The following PARD3 variants were observed in gnomAD, a reference collection of about 807,000 sequenced individuals.
PARD3 encodes the protein par-3 family cell polarity regulator, also known as partitioning defective 3 homolog.
Under a neutral mutation model 155.4 loss-of-function variants are expected in PARD3, and 75 were observed. The observed-to-expected ratio is 0.48, with a 90% confidence interval of 0.40 to 0.58. PARD3 has a LOEUF of 0.58. Ranked by LOEUF, PARD3 falls within the 20% of genes least tolerant of loss-of-function variation. The probability of loss-of-function intolerance (pLI) is 0.00; values close to 1 mark genes in which losing one functional copy is unlikely to be tolerated. For synonymous variants in PARD3, 576 were observed against 610.5 expected (o/e 0.94, Z 0.83); for missense variants, 1,642 against 1,721.7 (o/e 0.95, Z 0.82).
At chr10:34,244,121 G>A (rs1953785931) in intron 22 of PARD3, among the ~76,000 whole-genome samples, 1 of 152,184 alleles carries the variant, frequency 6.6e-6, no homozygotes, top group Admixed American at 6.5e-5. Flanking sequence ...ATTGATAAAT[G>A]TGGTAATAAG....
intron 22 of PARD3, among the ~76,000 whole-genome samples, chr10:34,158,634 AT>A (rs891202299): frequency 1.6e-4 from 24 of 152,142 alleles, no homozygotes; most frequent in African/African-American, 5.8e-4. Flanking sequence ...GAGTGTGTAT[AT>A]GGCAACTATC....
At chr10:34,752,479 C>G (rs1836172918) in intron 1 of PARD3, among the ~76,000 whole-genome samples, 1 of 150,892 alleles carries the variant, frequency 6.6e-6, no homozygotes, top group African/African-American at 2.4e-5. Context: ...TATTTATAAG[C>G]TTTTAAGACA....
At chr10:34,324,657 G>C (rs1236211635) in intron 19 of PARD3, among the ~76,000 whole-genome samples, 1 of 152,164 alleles carries the variant, frequency 6.6e-6, no homozygotes, top group Non-Finnish European at 1.5e-5. Flanking sequence ...CAAGTAAGGG[G>C]TGAGATTAGA....
chr10:34,520,458 T>C (rs1347107240), intron 2 of PARD3, among the ~76,000 whole-genome samples: 1 of 152,188 alleles, frequency 6.6e-6, no homozygotes, highest in African/African-American at 2.4e-5. Flanking sequence ...AAGGTATGCA[T>C]ACGTATACAC....
intron 3 of PARD3, among the ~76,000 whole-genome samples, chr10:34,505,504 G>C (rs529578681): frequency 6.6e-6 from 1 of 152,240 alleles, no homozygotes; most frequent in African/African-American, 2.4e-5. Flanking sequence ...CATGGTTTGG[G>C]TCTAATTTCA....
chr10:34,227,852 TTTTTTATATA>T (rs1294675436), intron 22 of PARD3, among the ~76,000 whole-genome samples: 9 of 31,390 alleles, frequency 2.9e-4, no homozygotes, highest in African/African-American at 1.1e-3. Context: ...ATGGGAATTA[TTTTTTATATA>T]TATATATATA....
chr10:34,145,187 G>GTGTATATATA (rs1406804213), intron 22 of PARD3, among the ~76,000 whole-genome samples: 1 of 84,616 alleles, frequency 1.2e-5, no homozygotes, highest in African/African-American at 5.7e-5. Context: ...GTGTGTGTGT[G>GTGTATATATA]TGTATATATA....
intron 1 of PARD3, among the ~76,000 whole-genome samples, chr10:34,725,412 C>T (rs957806257): frequency 6.4e-4 from 97 of 152,250 alleles, no homozygotes; most frequent in African/African-American, 2.3e-3. Flanking sequence ...GTCTCGGCCT[C>T]CCAAAGTGCT....
intron 22 of PARD3, among the ~76,000 whole-genome samples, chr10:34,230,002 G>A (rs1194403231): frequency 6.6e-6 from 1 of 152,046 alleles, no homozygotes; most frequent in Non-Finnish European, 1.5e-5. Context: ...ATACTGAAGC[G>A]TTAGTTCACA....
Position 34,374,866 on chromosome 10 carries a change from TTACACAC to T in PARD3, c.1668+1_1668+7del. ...CAGAAATCTTTCATCTACTCTAAAT[TTACACAC>T]CAGTTCCCTTGGGTGGAAGGCGTCT... On this transcript the variant is annotated splice_donor_variant and splice_donor_5th_base_variant and intron_variant, in intron 11 of 24. Transcript: ENST00000374788. LOFTEE classifies it high-confidence loss of function. The T allele has an allele frequency of 6.2e-7, 1 of 1,612,990 alleles. No individual in the cohort carries two copies. Among genetic ancestry groups the T allele is most frequent in the Non-Finnish European group, 8.5e-7 (1 of 1,179,644 alleles).
intron 10 of PARD3, among the ~76,000 whole-genome samples, chr10:34,375,362 G>T (rs539174034): frequency 6.6e-6 from 1 of 152,234 alleles, no homozygotes; most frequent in Admixed American, 6.5e-5. Context: ...TGATAGCCTT[G>T]TGCATCATAG....
rs144554337 is a variant in PARD3 at position 34,284,137 on chromosome 10, C to G, written c.3174G>C (p.Glu1058Asp). 4 of 1,565,220 alleles carry G rather than the reference C, an allele frequency of 2.6e-6. No individual in the cohort carries two copies. Among genetic ancestry groups the G allele is most frequent in the Non-Finnish European group, 3.5e-6 (4 of 1,142,140 alleles). Reference sequence around the variant, plus strand: ...TTAATCAAGTAACTGAAGTCTACCTCTCCTGCTCCTGCTTCATTCGTATCC... The same window carrying G: ...TTAATCAAGTAACTGAAGTCTACCTGTCCTGCTCCTGCTTCATTCGTATCC... ...EERIRMKQEQ[E>D]RIQAKTREFR... Residue 1058 changes from glutamate to aspartate, a missense_variant and splice_region_variant, in exon 21 of 25, where the codon GAG (glutamate) becomes GAC (aspartate). Glu to Asp is a conservative substitution (Grantham distance 45). Around this residue, in one of 3 missense-constraint regions of PARD3, gnomAD observed 1,529 missense variants for 1,587.3 expected, o/e 0.96. Transcript: ENST00000374788.
At chr10:34,330,765 C>CA (rs1215851038) in intron 19 of PARD3, among the ~76,000 whole-genome samples, 2 of 151,718 alleles carry the variant, frequency 1.3e-5, no homozygotes, top group Admixed American at 1.3e-4. Context: ...CATTTTTTAC[C>CA]AAAAAATATA....
intron 5 of PARD3, among the ~76,000 whole-genome samples, chr10:34,444,406 A>G (rs1480654468): frequency 1.3e-5 from 2 of 152,248 alleles, no homozygotes; most frequent in Non-Finnish European, 2.9e-5. Context: ...ATATCAAACT[A>G]TATTCTATGC....
At position 34,111,364 on chromosome 10, in the gene PARD3, C is replaced by T. The variant is rs781075198; in HGVS notation, c.3867G>A (p.Arg1289=). ...GCTTCTTCATCTGCTGCTCCTTCCG[C>T]CTCTGTTCCTGGCGAAGGAGCTCCT... ...ETQELLRQEQ[R]RKEQQMKKQP... The change falls in exon 25 of 25, where the codon AGG becomes AGA. Residue 1289 remains arginine, a synonymous_variant. Coordinates refer to ENST00000374788, the MANE Select transcript of PARD3 (RefSeq NM_001184785.2). 2 of 1,614,102 alleles carry T rather than the reference C, an allele frequency of 1.2e-6. No homozygotes were observed. Among genetic ancestry groups the T allele is most frequent in the South Asian group, 1.1e-5 (1 of 91,080 alleles).
At chr10:34,539,484 A>G (rs901998286) in intron 2 of PARD3, among the ~76,000 whole-genome samples, 12 of 151,828 alleles carry the variant, frequency 7.9e-5, no homozygotes, top group African/African-American at 2.9e-4. Context: ...ACATGGCAAA[A>G]CCCCCTCTCT....
In PARD3 at chr10:34,443,617, A is replaced by G. The variant is rs576671103; in HGVS notation, c.714+6700T>C. Among the ~76,000 whole-genome samples, 21 of 152,254 alleles carry G rather than the reference A, an allele frequency of 1.4e-4. No individual in the cohort carries two copies. The South Asian group carries it at 4.2e-3, about 30-fold the overall frequency. On this transcript the variant is annotated intron_variant, in intron 5 of 24. Transcript: ENST00000374788. ...ATCAGAGTTCATGAGACTTACTATC[A>G]TGAGAACAGCATGGGAAAGACCTGC...
chr10:34,167,001 C>T (rs766211627), intron 22 of PARD3, among the ~76,000 whole-genome samples: 38 of 152,112 alleles, frequency 2.5e-4, no homozygotes, highest in African/African-American at 7.7e-4. Flanking sequence ...AAATTAAAGA[C>T]GCATGACCAA....
At position 34,111,220 on chromosome 10, in the gene PARD3, CGCAACCTGA is replaced by C; in HGVS notation, c.4002_4010del (p.Gln1335_Ala1337del). On this transcript the variant is annotated inframe_deletion, in exon 25 of 25. Transcript: ENST00000374788. ...CAGGAGTCTGAAGTCTGTTCAGCCTCGCAACCTGAGAAGGGGAGGGGGGCACATCTTGCC... is the reference window on the plus strand; with the variant it reads ...CAGGAGTCTGAAGTCTGTTCAGCCTCGAAGGGGAGGGGGGCACATCTTGCC... 1.9e-6 allele frequency: 3 copies of C among 1,606,612 alleles called. No homozygotes were observed. Among genetic ancestry groups the C allele is most frequent in the Non-Finnish European group, 2.6e-6 (3 of 1,174,528 alleles).
Sources: gnomAD v4.1 joint callset for allele counts (sites outside exome capture counted in the v4.1 genomes callset) on GRCh38, gnomAD v4.1.1 for gene constraint, gnomAD v4.1.1 regional missense constraint, MANE v1.5 for transcripts, NCBI Gene and HGNC (gene_info 2026-07-23, HGNC 2026-07-21) for gene names.